Variants in INSR observed in about 807,000 individuals in gnomAD.
INSR encodes the protein IR.
A neutral mutation model predicts 142.6 loss-of-function variants in INSR; 67 were observed. The observed-to-expected ratio is 0.47, with a 90% confidence interval of 0.39 to 0.58. The LOEUF (loss-of-function observed/expected upper bound fraction) is 0.58. Ranked by LOEUF, INSR falls within the 20% of genes least tolerant of loss-of-function variation. The pLI, the probability that INSR is intolerant of heterozygous loss-of-function variation, is 0.00. For missense variants in INSR, 1,248 were observed against 1,833.2 expected (o/e 0.68, Z 5.83); for synonymous variants, 756 against 743.1 (o/e 1.02, Z -0.28).
intron 2 of INSR, among the ~76,000 whole-genome samples, chr19:7,224,516 C>G (rs978601452): frequency 6.6e-6 from 1 of 152,118 alleles, no homozygotes; most frequent in Non-Finnish European, 1.5e-5. Context: ...ATGGGGGCAG[C>G]GAGCCTCCAC....
intron 2 of INSR, among the ~76,000 whole-genome samples, chr19:7,237,625 C>T (rs1034399453): frequency 9.2e-5 from 14 of 151,840 alleles, no homozygotes; most frequent in African/African-American, 3.4e-4. Flanking sequence ...ACCATCCTGG[C>T]TAGCATGGTG....
chr19:7,267,272 A>G lies in INSR; in HGVS notation c.652+73T>C. 1 of 1,515,248 alleles carries G rather than the reference A, an allele frequency of 6.6e-7. No individual in the cohort carries two copies. 93.9% of individuals were successfully genotyped at this position (1,515,248 alleles called of 1,614,324 possible). A position where few individuals can be genotyped will look rare whatever the true frequency, so the allele number is the denominator to read the frequency against. ...TACCTAATGACCATTTAACATTTTT[A>G]AGCCATAAAACATTTTAAGCTTTCT... On this transcript the variant is annotated intron_variant, in intron 2 of 21. Coordinates refer to ENST00000302850, the MANE Select transcript of INSR (RefSeq NM_000208.4). This position sits in a 1 kb window ranked among gnomAD's most constrained non-coding sequence, Gnocchi z 6.3.
intron 2 of INSR, among the ~76,000 whole-genome samples, chr19:7,264,083 C>T (rs1977147356): frequency 1.3e-5 from 2 of 151,518 alleles, no homozygotes; most frequent in Non-Finnish European, 2.9e-5. Flanking sequence ...GCAGGAGAAT[C>T]GCTTGAAGCC....
At chr19:7,117,462 T>C in intron 21 of INSR, 52 bp from the exon 22 acceptor site, 2 of 1,404,036 alleles carry the variant, frequency 1.4e-6, no homozygotes, top group Non-Finnish European at 1.0e-6. Context: ...CTGCCACGCA[T>C]CCTCCCAAAC....
chr19:7,272,017 A>G (rs916646534), intron 1 of INSR, among the ~76,000 whole-genome samples: 7 of 151,364 alleles, frequency 4.6e-5, no homozygotes, highest in African/African-American at 1.7e-4. Flanking sequence ...CTCAAAAGTA[A>G]ATACAGGCTG....
chr19:7,142,867 C>G lies in INSR; in HGVS notation c.2491G>C (p.Glu831Gln). Residue 831 changes from glutamate to glutamine, a missense_variant, in exon 12 of 22, where the codon GAG becomes CAG. Transcript: ENST00000302850. ...TAGGCTGCCACACTGCACCGTTCCT[C>G]AGGGGTGTCCTGGTTGCAAGCCTGC... Reference protein sequence around the residue: ...ELQACNQDTPEERCSVAAYVS... With the variant: ...ELQACNQDTPQERCSVAAYVS... The G allele has an allele frequency of 1.2e-6, 2 of 1,614,154 alleles. No individual in the cohort carries two copies. The highest frequency in any genetic ancestry group is 1.7e-6 in the Non-Finnish European group (2 of 1,180,044).
intron 10 of INSR, chr19:7,152,363 A>G: frequency 3.0e-6 from 1 of 333,108 alleles, no homozygotes; most frequent in South Asian, 2.4e-5. Context: ...CCTGGACGAT[A>G]GAGTGAGACT....
chr19:7,219,992 C>T (rs1423605662), intron 2 of INSR, among the ~76,000 whole-genome samples: 1 of 152,190 alleles, frequency 6.6e-6, no homozygotes, highest in Admixed American at 6.5e-5. Context: ...ATGCCCACCC[C>T]TGAACCAATC....
At position 7,163,203 on chromosome 19, in the gene INSR, T is replaced by C. The variant is rs2245649; in HGVS notation, c.1862-4A>G. The C allele has an allele frequency of 0.091, 145,723 of 1,602,380 alleles. 9,322 individuals are homozygous for C. Among genetic ancestry groups the C allele is most frequent in the African/African-American group, 0.24 (18,119 of 74,298 alleles). ...GGATCCAGGGGCACAGAGGGGTCTG[T>C]CAGGGAGAAAGGAAATGGGTCCATC... On this transcript the variant is annotated splice_polypyrimidine_tract_variant and splice_region_variant and intron_variant, in intron 8 of 21. Coordinates refer to ENST00000302850, the MANE Select transcript of INSR (RefSeq NM_000208.4).
chr19:7,206,438 C>T (rs1015391883), intron 2 of INSR, among the ~76,000 whole-genome samples: 19 of 152,150 alleles, frequency 1.2e-4, no homozygotes, highest in African/African-American at 4.3e-4. Flanking sequence ...GGACGAGGGG[C>T]GGGCGAGCGA....
intron 17 of INSR, among the ~76,000 whole-genome samples, chr19:7,123,870 C>A (rs1245551722): frequency 6.6e-6 from 1 of 151,938 alleles, no homozygotes; most frequent in Admixed American, 6.6e-5. Context: ...TTGCAGTGAG[C>A]CGAGATTGTG....
chr19:7,117,908 CTT>C (rs34720676), intron 21 of INSR, among the ~76,000 whole-genome samples: 26 of 133,234 alleles, frequency 2.0e-4, no homozygotes, highest in Middle Eastern at 4.4e-3. Flanking sequence ...TGCCTGGCCG[CTT>C]TTTTTTTTTT....
intron 2 of INSR, among the ~76,000 whole-genome samples, chr19:7,206,510 C>A (rs1975108599): frequency 6.6e-6 from 1 of 152,182 alleles, no homozygotes; most frequent in African/African-American, 2.4e-5. Flanking sequence ...TGAGCTGCGC[C>A]TCCTGTCAGA....
chr19:7,182,067 C>T (rs1974288170), intron 3 of INSR, among the ~76,000 whole-genome samples: 1 of 151,884 alleles, frequency 6.6e-6, no homozygotes, highest in African/African-American at 2.4e-5. Flanking sequence ...TGCGGTGGCT[C>T]ATGCCTGTAA....
In INSR at chr19:7,184,523, C is replaced by T. The variant is rs775222338; in HGVS notation, c.767G>A (p.Arg256His). The change falls in exon 3 of 22, where the codon CGC becomes CAC. Residue 256 changes from arginine to histidine, a missense_variant. Physicochemically the swap from Arg to His is conservative, Grantham distance 29. Around this residue, in one of 3 missense-constraint regions of INSR, gnomAD observed 1,069 missense variants for 1,654.0 expected, o/e 0.65. Coordinates refer to ENST00000302850, the MANE Select transcript of INSR (RefSeq NM_000208.4). ...PDDPTKCVAC[R>H]NFYLDGRCVE... ...ACACCTGCCGTCCAGGTAGAAGTTGCGGCAGGCCACGCACTTGGTGGGGTC... is the reference window on the plus strand; with the variant it reads ...ACACCTGCCGTCCAGGTAGAAGTTGTGGCAGGCCACGCACTTGGTGGGGTC... 4.5e-5 allele frequency: 73 copies of T among 1,613,810 alleles called. No individual in the cohort carries two copies. The highest frequency in any genetic ancestry group is 4.6e-5 in the Non-Finnish European group (54 of 1,180,002).
intron 3 of INSR, 25 bp from the exon 4 acceptor site, chr19:7,174,756 GAA>G (rs1298402720): frequency 1.3e-6 from 2 of 1,573,082 alleles, no homozygotes; most frequent in South Asian, 1.1e-5. Context: ...GAGAGAGAGA[GAA>G]AGAGAAAGGG....
At chr19:7,190,638 G>A (rs1279526353) in intron 2 of INSR, among the ~76,000 whole-genome samples, 1 of 152,102 alleles carries the variant, frequency 6.6e-6, no homozygotes, top group Non-Finnish European at 1.5e-5. Context: ...CCAAAGTGCT[G>A]GGATTACAGG....
In INSR at chr19:7,122,862, C is replaced by T. The variant is rs763996764; in HGVS notation, c.3369+17G>A. 8.1e-6 allele frequency: 13 copies of T among 1,609,552 alleles called. No homozygotes were observed. Among genetic ancestry groups the T allele is most frequent in the Admixed American group, 6.7e-5 (4 of 59,374 alleles). ...TGCTCCACCGAGTACCCCGCTGGGT[C>T]CCCCGAAGCAGCTTACCTCAGCCTC... On this transcript the variant is annotated intron_variant, in intron 18 of 21. Coordinates refer to ENST00000302850, the MANE Select transcript of INSR (RefSeq NM_000208.4).
intron 9 of INSR, among the ~76,000 whole-genome samples, chr19:7,154,862 T>C (rs1354252451): frequency 2.0e-5 from 3 of 151,620 alleles, no homozygotes; most frequent in Non-Finnish European, 4.4e-5. Flanking sequence ...AAGCAGAGGT[T>C]GCAGTGAGCC....
Sources: allele counts gnomAD v4.1 joint callset (sites outside exome capture counted in the v4.1 genomes callset), GRCh38; gene constraint gnomAD v4.1.1; regional missense constraint gnomAD v4.1.1; non-coding constraint Gnocchi (gnomAD v3.1); transcripts MANE v1.5; gene names NCBI Gene and HGNC (gene_info 2026-07-23, HGNC 2026-07-21).